Variants in SLC35F4 observed in about 807,000 individuals in gnomAD.
SLC35F4 encodes the protein chromosome 14 open reading frame 36.
SLC35F4 carries 24 observed loss-of-function variants against 44.2 expected under a neutral mutation model. The observed-to-expected ratio is 0.54, with a 90% CI of 0.39 to 0.76. The LOEUF is 0.76. Ranked by LOEUF, SLC35F4 falls within the 30% of genes least tolerant of loss-of-function variation. SLC35F4 has a pLI of 0.00. For synonymous variants in SLC35F4, 238 were observed against 223.6 expected, an observed-to-expected ratio of 1.06 and a Z score of -0.57; for missense variants, 562 against 586.1, an observed-to-expected ratio of 0.96 and a Z score of 0.42.
intron 1 of SLC35F4, among the ~76,000 whole-genome samples, chr14:57,818,991 G>A (rs1303801010): frequency 3.3e-5 from 5 of 152,132 alleles, no homozygotes; most frequent in African/African-American, 4.8e-5. Context: ...AAGAATCTCT[G>A]CTATGGACAG....
chr14:57,581,058 C>T (rs2069216298), intron 4 of SLC35F4, 156 bp downstream of exon 4: 3 of 629,090 alleles, frequency 4.8e-6, no homozygotes, highest in Admixed American at 3.8e-5. Flanking sequence ...TTGCAACTGC[C>T]TGGGCTTTCT....
At chr14:57,807,990 G>A (rs141012324) in intron 1 of SLC35F4, among the ~76,000 whole-genome samples, 72 of 151,554 alleles carry the variant, frequency 4.8e-4, no homozygotes, top group Middle Eastern at 3.4e-3. Flanking sequence ...TAAAACCATC[G>A]GATCTTTTGA....
At chr14:57,928,913 G>A (rs971076638) in intron 1 of SLC35F4, among the ~76,000 whole-genome samples, 1 of 152,158 alleles carries the variant, frequency 6.6e-6, no homozygotes, top group Admixed American at 6.5e-5. Flanking sequence ...CAAAAGCTCC[G>A]TGGATGGTTT....
At chr14:57,868,060 G>A (rs894796966), upstream of SLC35F4, among the ~76,000 whole-genome samples, 1 of 152,082 alleles carries the variant, frequency 6.6e-6, no homozygotes, top group East Asian at 1.9e-4. Flanking sequence ...AATCTCCATA[G>A]AAGTAGATAA....
chr14:57,656,395 A>T lies in SLC35F4; in HGVS notation c.104-62271T>A, dbSNP rs529576017. ...TATATATACACACACACACACACACACACACACACACAGATACACATGATA... is the reference window on the plus strand; with the variant it reads ...TATATATACACACACACACACACACTCACACACACACAGATACACATGATA... On this transcript the variant is annotated intron_variant, in intron 1 of 7. Transcript: ENST00000556826. Among the ~76,000 whole-genome samples the T allele has an allele frequency of 6.6e-5, 10 of 150,556 alleles. No homozygotes were observed. In the South Asian group the frequency reaches 2.1e-3, roughly 32 times the overall value.
intron 1 of SLC35F4, among the ~76,000 whole-genome samples, chr14:57,916,352 T>C (rs562879121): frequency 2.0e-5 from 3 of 152,214 alleles, no homozygotes; most frequent in Non-Finnish European, 4.4e-5. Flanking sequence ...CAAATGAGTT[T>C]TGGTGGGGAT....
intron 1 of SLC35F4, among the ~76,000 whole-genome samples, chr14:57,766,179 G>A (rs2077230121): frequency 6.6e-6 from 1 of 152,204 alleles, no homozygotes; most frequent in African/African-American, 2.4e-5. Context: ...CTCATCAAGA[G>A]CTGTACCTCT....
At chr14:57,878,807 A>G (rs1218344054) in intron 1 of SLC35F4, among the ~76,000 whole-genome samples, 1 of 152,148 alleles carries the variant, frequency 6.6e-6, no homozygotes. Flanking sequence ...CTTCATAGAT[A>G]TTTCCAAAAT....
chr14:57,770,354 A>G (rs1334494407), intron 1 of SLC35F4, among the ~76,000 whole-genome samples: 1 of 152,134 alleles, frequency 6.6e-6, no homozygotes, highest in Admixed American at 6.5e-5. Flanking sequence ...GCAGCATTTG[A>G]GGTTGTTTCG....
intron 1 of SLC35F4, chr14:57,630,209 T>A (rs2072697863): frequency 1.8e-6 from 1 of 565,946 alleles, no homozygotes; most frequent in East Asian, 4.3e-5. Flanking sequence ...AAGGGAAGAA[T>A]GTGTACAGTT....
At chr14:57,621,465 CAG>C (rs1292036459) in intron 1 of SLC35F4, among the ~76,000 whole-genome samples, 7 of 151,980 alleles carry the variant, frequency 4.6e-5, no homozygotes, top group African/African-American at 1.7e-4. Context: ...GGTACCAAAA[CAG>C]AGATATAGAT....
At chr14:57,769,907 T>G (rs2077322499) in intron 1 of SLC35F4, among the ~76,000 whole-genome samples, 1 of 152,198 alleles carries the variant, frequency 6.6e-6, no homozygotes, top group African/African-American at 2.4e-5. Flanking sequence ...GAGCATTTTT[T>G]GAAAAAGAGT....
intron 1 of SLC35F4, among the ~76,000 whole-genome samples, chr14:57,599,119 A>G (rs2070666442): frequency 6.6e-6 from 1 of 152,174 alleles, no homozygotes; most frequent in South Asian, 2.1e-4. Context: ...CAACCTGAAG[A>G]TTTTTCAAAC....
intron 1 of SLC35F4, among the ~76,000 whole-genome samples, chr14:57,935,053 GAGA>G (rs1889771783): frequency 6.6e-6 from 1 of 152,176 alleles, no homozygotes; most frequent in South Asian, 2.1e-4. Context: ...ATCTGAAAGA[GAGA>G]AGAAGCTGAG....
At chr14:57,720,221 G>A (rs1472050708) in intron 1 of SLC35F4, among the ~76,000 whole-genome samples, 1 of 152,026 alleles carries the variant, frequency 6.6e-6, no homozygotes, top group Non-Finnish European at 1.5e-5. Flanking sequence ...ATGTATTGTT[G>A]AATTTGGTTT....
intron 1 of SLC35F4, among the ~76,000 whole-genome samples, chr14:57,635,112 G>A (rs1433082808): frequency 2.0e-5 from 3 of 151,924 alleles, no homozygotes; most frequent in African/African-American, 7.3e-5. Context: ...AAGGTGTGAT[G>A]GCATGCACCT....
chr14:57,732,453 A>G (rs1275633473), intron 1 of SLC35F4, among the ~76,000 whole-genome samples: 1 of 152,202 alleles, frequency 6.6e-6, no homozygotes, highest in Non-Finnish European at 1.5e-5. Context: ...TGTAGGAGTG[A>G]AAGTTTGGTT....
At chr14:57,719,797 C>G (rs1353156709) in intron 1 of SLC35F4, among the ~76,000 whole-genome samples, 1 of 151,982 alleles carries the variant, frequency 6.6e-6, no homozygotes, top group Non-Finnish European at 1.5e-5. Context: ...TTTGGATACC[C>G]TTTATTTTTT....
chr14:57,966,585 T>C (rs570733267), intron 1 of SLC35F4, among the ~76,000 whole-genome samples: 1 of 152,260 alleles, frequency 6.6e-6, no homozygotes, highest in South Asian at 2.1e-4. Flanking sequence ...TCCCAAGCAA[T>C]TTACGTGGGG....
Sources: gnomAD v4.1 joint callset for allele counts (sites outside exome capture counted in the v4.1 genomes callset) on GRCh38, gnomAD v4.1.1 for gene constraint, MANE v1.5 for transcripts, NCBI Gene and HGNC (gene_info 2026-07-23, HGNC 2026-07-21) for gene names.